The following MAPRE2 variants were observed in gnomAD, a reference collection of about 807,000 sequenced individuals.
The protein encoded by MAPRE2 is microtubule associated protein RP/EB family member 2, also known as microtubule-associated protein RP/EB family member 2.
Under a neutral mutation model 43.2 loss-of-function variants are expected in MAPRE2, and 13 were observed. The ratio of observed to expected loss-of-function variants is 0.30; its 90% CI spans 0.20 to 0.48. The LOEUF (loss-of-function observed/expected upper bound fraction) is 0.48, where lower values mean the gene tolerates loss of function less well. MAPRE2 is among the 20% of genes least tolerant of loss of function. MAPRE2 has a pLI of 0.99. For synonymous variants in MAPRE2, 135 were observed against 148.8 expected, an observed-to-expected ratio of 0.91 and a Z score of 0.68; for missense variants, 161 against 400.2, an observed-to-expected ratio of 0.40 and a Z score of 5.10.
intron 1 of MAPRE2, 83 bp downstream of exon 1, chr18:35,041,744 A>C: frequency 6.2e-7 from 1 of 1,601,880 alleles, no homozygotes; most frequent in East Asian, 2.2e-5. Flanking sequence ...TGGAGCAGAC[A>C]CTGCCTGCGA....
intron 1 of MAPRE2, among the ~76,000 whole-genome samples, chr18:35,055,537 C>CTCTGTGTGTGTG (rs1555914066): frequency 2.0e-4 from 30 of 146,694 alleles, no homozygotes; most frequent in African/African-American, 6.7e-4. Flanking sequence ...ATTCAGTTCT[C>CTCTGTGTGTGTG]TGTGTGTGTG....
rs1381446590 is a variant in MAPRE2 at position 35,081,566 on chromosome 18, G to A, written c.250+11244G>A. 3.3e-5 allele frequency among the ~76,000 whole-genome samples: 5 copies of A among 152,284 alleles called. No individual in the cohort carries two copies. The East Asian group carries it at 9.6e-4, about 29-fold the overall frequency. On this transcript the variant is annotated intron_variant, in intron 2 of 6. Coordinates refer to ENST00000300249, the MANE Select transcript of MAPRE2 (RefSeq NM_014268.4). ...GAAGGAGCATCCTCCTCTGGAAAGTGGTAATAGGGGATGTTATTGGTGTAG... is the reference window on the plus strand; with the variant it reads ...GAAGGAGCATCCTCCTCTGGAAAGTAGTAATAGGGGATGTTATTGGTGTAG...
chr18:34,980,866 A>AT (rs1424144988), intron 1 of MAPRE2, among the ~76,000 whole-genome samples: 1 of 152,122 alleles, frequency 6.6e-6, no homozygotes, highest in African/African-American at 2.4e-5. Flanking sequence ...AATAGCTTTT[A>AT]TTTTCACCTG....
At chr18:35,068,294 C>T (rs1174269521) in intron 1 of MAPRE2, among the ~76,000 whole-genome samples, 2 of 152,046 alleles carry the variant, frequency 1.3e-5, no homozygotes, top group South Asian at 2.1e-4. Flanking sequence ...GAATCAGGAG[C>T]GCTTGGAGAA....
intron 2 of MAPRE2, among the ~76,000 whole-genome samples, chr18:35,095,843 C>CT (rs373747796): frequency 7.9e-5 from 12 of 151,158 alleles, no homozygotes; most frequent in South Asian, 2.1e-4. Flanking sequence ...CCCCCAGTGT[C>CT]TTTTTTTTTC....
At chr18:35,117,808 CTT>C (rs544763312) in intron 4 of MAPRE2, among the ~76,000 whole-genome samples, 20 of 152,072 alleles carry the variant, frequency 1.3e-4, no homozygotes, top group Non-Finnish European at 2.2e-4. Flanking sequence ...TTAAAGGACA[CTT>C]AATATTTTAC....
At chr18:35,095,545 T>C (rs527401435) in intron 2 of MAPRE2, among the ~76,000 whole-genome samples, 5 of 147,238 alleles carry the variant, frequency 3.4e-5, no homozygotes, top group Admixed American at 1.3e-4. Flanking sequence ...TTTCAAAAGC[T>C]GTTATTTCTT....
intron 4 of MAPRE2, among the ~76,000 whole-genome samples, chr18:35,121,499 A>C (rs952895276): frequency 6.6e-6 from 1 of 152,150 alleles, no homozygotes; most frequent in Non-Finnish European, 1.5e-5. Flanking sequence ...TTTATTTTGA[A>C]AGGTAAAATT....
chr18:35,006,721 T>C (rs115779348), intron 2 of MAPRE2, among the ~76,000 whole-genome samples: 47 of 152,334 alleles, frequency 3.1e-4, no homozygotes, highest in African/African-American at 1.1e-3. Flanking sequence ...GGAGCACTTT[T>C]GTAGGCTGAG....
intron 1 of MAPRE2, among the ~76,000 whole-genome samples, chr18:35,049,047 TTTTTG>T: frequency 6.6e-6 from 1 of 152,154 alleles, no homozygotes; most frequent in Non-Finnish European, 1.5e-5. Flanking sequence ...GTAATACTTG[TTTTTG>T]TTTTGTTTTG....
chr18:35,054,255 G>A (rs965518251), intron 1 of MAPRE2, among the ~76,000 whole-genome samples: 14 of 152,154 alleles, frequency 9.2e-5, no homozygotes, highest in African/African-American at 3.1e-4. Flanking sequence ...GAGGGACCTC[G>A]TTTTGGAGAA....
intron 1 of MAPRE2, among the ~76,000 whole-genome samples, chr18:35,062,570 G>T (rs1392560376): frequency 6.6e-6 from 1 of 152,196 alleles, no homozygotes; most frequent in African/African-American, 2.4e-5. Flanking sequence ...TCTGTGAAAT[G>T]AGAACTGACA....
chr18:34,978,661 T>C, intron 1 of MAPRE2: 3 of 866,652 alleles, frequency 3.5e-6, no homozygotes, highest in South Asian at 1.5e-5. Flanking sequence ...GGAAATGAAA[T>C]GCTTCCTTAC....
At chr18:35,053,549 G>A (rs1881050971) in intron 1 of MAPRE2, among the ~76,000 whole-genome samples, 1 of 152,028 alleles carries the variant, frequency 6.6e-6, no homozygotes, top group African/African-American at 2.4e-5. Flanking sequence ...AGTCTTGGTA[G>A]ATAGGAGATG....
At chr18:34,998,388 G>A (rs1361488362) in intron 1 of MAPRE2, among the ~76,000 whole-genome samples, 12 of 145,992 alleles carry the variant, frequency 8.2e-5, no homozygotes, top group Non-Finnish European at 1.5e-4. Context: ...GTGCAGTGGC[G>A]CCATCTCGGC....
chr18:35,052,835 A>T (rs1258632553), intron 1 of MAPRE2, among the ~76,000 whole-genome samples: 3 of 152,276 alleles, frequency 2.0e-5, no homozygotes, highest in Non-Finnish European at 4.4e-5. Context: ...TCATGTGCAT[A>T]TTGGCCATTT....
intron 1 of MAPRE2, among the ~76,000 whole-genome samples, chr18:35,004,087 G>A (rs1446584153): frequency 6.6e-6 from 1 of 151,994 alleles, no homozygotes; most frequent in African/African-American, 2.4e-5. Flanking sequence ...CAATTCAGTT[G>A]TCACCTTTAC....
At chr18:35,132,612 T>C (rs1910207948) in intron 6 of MAPRE2, among the ~76,000 whole-genome samples, 1 of 152,198 alleles carries the variant, frequency 6.6e-6, no homozygotes, top group Admixed American at 6.5e-5. Flanking sequence ...TGTTTTTATT[T>C]CGTAGCTGGT....
intron 1 of MAPRE2, among the ~76,000 whole-genome samples, chr18:35,059,926 A>G (rs1019578598): frequency 2.0e-4 from 31 of 152,190 alleles, no homozygotes; most frequent in African/African-American, 7.5e-4. Context: ...CACCACCAAG[A>G]GTACAAGAGA....
Sources: allele counts gnomAD v4.1 joint callset (sites outside exome capture counted in the v4.1 genomes callset), GRCh38; gene constraint gnomAD v4.1.1; transcripts MANE v1.5; gene names NCBI Gene and HGNC (gene_info 2026-07-23, HGNC 2026-07-21).